Variants in TMEM217 observed in about 807,000 individuals in gnomAD.
TMEM217 encodes chromosome 6 open reading frame 128.
For synonymous variants in TMEM217, 76 were observed against 88.3 expected (o/e 0.86, Z 0.78); for missense variants, 204 against 248.8 (o/e 0.82, Z 1.21).
intron 1 of TMEM217, 92 bp from the exon 2 acceptor site, chr6:37,219,133 G>A (rs1763384983): frequency 8.8e-7 from 1 of 1,137,644 alleles, no homozygotes; most frequent in Admixed American, 2.4e-5. Flanking sequence ...ATCTACTTTG[G>A]AGAAATATAG....
chr6:37,252,946 A>T lies in TMEM217; in HGVS notation c.-12+4622T>A, dbSNP rs1765526744. ...TGAGCTACTGTTACCCAGGTGATGTATATTTTATAATATTAAAAAACGGTA... is the reference window on the plus strand; with the variant it reads ...TGAGCTACTGTTACCCAGGTGATGTTTATTTTATAATATTAAAAAACGGTA... On this transcript the variant is annotated intron_variant, in intron 1 of 1. Coordinates refer to ENST00000357219, the Ensembl canonical transcript of TMEM217. 3.3e-5 allele frequency among the ~76,000 whole-genome samples: 5 copies of T among 152,146 alleles called. No individual in the cohort carries two copies. The South Asian group carries it at 1.0e-3, about 32-fold the overall frequency.
intron 1 of TMEM217, among the ~76,000 whole-genome samples, chr6:37,234,623 C>A (rs1437606822): frequency 1.3e-5 from 2 of 152,038 alleles, no homozygotes; most frequent in Non-Finnish European, 2.9e-5. Context: ...GTAGTCCCAG[C>A]TACTCAGGAG....
chr6:37,247,737 A>G (rs1765173951), intron 1 of TMEM217, among the ~76,000 whole-genome samples: 1 of 152,152 alleles, frequency 6.6e-6, no homozygotes, highest in South Asian at 2.1e-4. Context: ...CTGTGAAAAA[A>G]ACTCTGAGAA....
chr6:37,244,895 G>A (rs994662578), intron 1 of TMEM217, among the ~76,000 whole-genome samples: 2 of 152,206 alleles, frequency 1.3e-5, no homozygotes. Context: ...GGCTCAACTG[G>A]CTGTTGGCTG....
At chr6:37,234,880 G>C (rs189344767) in intron 1 of TMEM217, among the ~76,000 whole-genome samples, 64 of 152,104 alleles carry the variant, frequency 4.2e-4, no homozygotes, top group Admixed American at 1.4e-3. Context: ...AGAAATGCTG[G>C]TTTTATTATA....
exon 2 of TMEM217, chr6:37,218,207 T>C: frequency 7.7e-7 from 1 of 1,301,636 alleles, no homozygotes; most frequent in Non-Finnish European, 9.7e-7. Context: ...TCTTACTCTG[T>C]CACTCAGGCT....
chr6:37,223,514 T>C (rs1474532085), intron 1 of TMEM217, among the ~76,000 whole-genome samples: 1 of 152,152 alleles, frequency 6.6e-6, no homozygotes, highest in African/African-American at 2.4e-5. Context: ...AACTCAAATA[T>C]TTTTCTTTTT....
chr6:37,242,844 T>G (rs1764840838), intron 1 of TMEM217, among the ~76,000 whole-genome samples: 1 of 152,202 alleles, frequency 6.6e-6, no homozygotes, highest in African/African-American at 2.4e-5. Context: ...CCCCAGTGAC[T>G]CACACCAGTA....
rs538091335 is a variant in TMEM217, at chr6:37,235,046, T to C, written c.-11-16005A>G. 3.3e-5 allele frequency among the ~76,000 whole-genome samples: 5 copies of C among 152,316 alleles called. No homozygotes were observed. The South Asian group carries it at 1.0e-3, about 32-fold the overall frequency. On this transcript the variant is annotated intron_variant, in intron 1 of 1. Transcript: ENST00000357219. ...GTGTGGCTTTTTAAAAAACACAGTA[T>C]CTTCTTAACTGCAAAATGGTTAAAG... is the stretch of plus-strand genomic sequence containing the variant.
intron 1 of TMEM217, among the ~76,000 whole-genome samples, chr6:37,250,425 G>A (rs755252162): frequency 1.6e-4 from 24 of 152,240 alleles, no homozygotes; most frequent in Admixed American, 1.3e-3. Context: ...TATATTTAGC[G>A]TCCCATGAAA....
chr6:37,218,470 C>A, exon 2 of TMEM217: 1 of 1,613,606 alleles, frequency 6.2e-7, no homozygotes. Context: ...AGCCACTGAA[C>A]CCACTCGAAA....
chr6:37,226,739 T>C (rs1038691325), intron 1 of TMEM217, among the ~76,000 whole-genome samples: 2 of 152,148 alleles, frequency 1.3e-5, no homozygotes, highest in Admixed American at 1.3e-4. Flanking sequence ...TTTTTTTGTA[T>C]TTTTAGTAGA....
At chr6:37,242,961 G>A (rs188685525) in intron 1 of TMEM217, among the ~76,000 whole-genome samples, 12 of 152,222 alleles carry the variant, frequency 7.9e-5, no homozygotes, top group African/African-American at 2.6e-4. Flanking sequence ...ATGGCTCATT[G>A]GTCAGAACTG....
chr6:37,235,062 ATGGT>A (rs1220800612), intron 1 of TMEM217, among the ~76,000 whole-genome samples: 1 of 152,222 alleles, frequency 6.6e-6, no homozygotes, highest in Non-Finnish European at 1.5e-5. Context: ...TAACTGCAAA[ATGGT>A]TAAAGCTGGC....
intron 1 of TMEM217, among the ~76,000 whole-genome samples, chr6:37,253,962 G>C (rs1395837873): frequency 6.6e-6 from 1 of 152,168 alleles, no homozygotes; most frequent in Non-Finnish European, 1.5e-5. Context: ...CACATTTTAA[G>C]TTGTTTAACC....
At chr6:37,215,570 C>CAGAAAAAAAAAA (rs1763147772), downstream of TMEM217, among the ~76,000 whole-genome samples, 1 of 72,376 alleles carries the variant, frequency 1.4e-5, no homozygotes, top group African/African-American at 6.0e-5. Context: ...GACTCTGTCT[C>CAGAAAAAAAAAA]AAAAAAAAAA....
chr6:37,219,811 G>C (rs1283107374), intron 1 of TMEM217, among the ~76,000 whole-genome samples: 2 of 152,124 alleles, frequency 1.3e-5, no homozygotes, highest in Non-Finnish European at 2.9e-5. Context: ...AAAATTGCCT[G>C]TACTTGTTCA....
chr6:37,221,289 C>T (rs766243280), intron 1 of TMEM217, among the ~76,000 whole-genome samples: 9 of 151,810 alleles, frequency 5.9e-5, no homozygotes, highest in Non-Finnish European at 1.3e-4. Flanking sequence ...TGGGTTCAAG[C>T]GATTCTCGTG....
downstream of TMEM217, chr6:37,217,616 G>A: frequency 1.0e-6 from 1 of 984,984 alleles, no homozygotes; most frequent in East Asian, 1.1e-4. Context: ...GAAAGGGTGG[G>A]GAAATTCGAG....
Sources: gnomAD v4.1 joint callset for allele counts (sites outside exome capture counted in the v4.1 genomes callset) on GRCh38, gnomAD v4.1.1 for gene constraint, MANE v1.5 for transcripts, NCBI Gene and HGNC (gene_info 2026-07-23, HGNC 2026-07-21) for gene names.